MDGA2: variants seen among roughly 807,000 people sequenced by gnomAD.
MDGA2 encodes MAM domain-containing glycosylphosphatidylinositol anchor protein 2.
A neutral mutation model predicts 117.8 loss-of-function variants in MDGA2; 40 were observed. That is an observed-to-expected ratio of 0.34 (90% confidence interval 0.26 to 0.44). The LOEUF (loss-of-function observed/expected upper bound fraction) is 0.44, where lower values mean the gene tolerates loss of function less well. MDGA2 is among the 20% of genes least tolerant of loss of function. The pLI is 1.00. For synonymous variants in MDGA2, 452 were observed against 439.0 expected, an observed-to-expected ratio of 1.03 and a Z score of -0.37; for missense variants, 1,123 against 1,250.6, an observed-to-expected ratio of 0.90 and a Z score of 1.54.
At chr14:47,603,295 G>C (rs528561029) in intron 1 of MDGA2, among the ~76,000 whole-genome samples, 1 of 151,918 alleles carries the variant, frequency 6.6e-6, no homozygotes, top group Non-Finnish European at 1.5e-5. Context: ...TGAAACTATC[G>C]GATTTCATTT....
At chr14:46,867,117 C>T (rs752623798) in intron 14 of MDGA2, among the ~76,000 whole-genome samples, 1 of 152,170 alleles carries the variant, frequency 6.6e-6, no homozygotes, top group Non-Finnish European at 1.5e-5. Context: ...GCACTTTTCA[C>T]AACAGCAAAG....
chr14:47,195,239 C>T (rs554225016), intron 3 of MDGA2, among the ~76,000 whole-genome samples: 20 of 151,886 alleles, frequency 1.3e-4, no homozygotes, highest in Non-Finnish European at 2.4e-4. Context: ...TCAAGGTTAG[C>T]AATAGTTTTT....
intron 1 of MDGA2, among the ~76,000 whole-genome samples, chr14:47,354,795 T>C (rs1022969277): frequency 3.9e-5 from 6 of 152,162 alleles, no homozygotes; most frequent in South Asian, 2.1e-4. Context: ...ACATATCCCT[T>C]GTGGTCACTG....
chr14:47,449,017 G>T (rs1485488600), intron 1 of MDGA2, among the ~76,000 whole-genome samples: 1 of 152,096 alleles, frequency 6.6e-6, no homozygotes, highest in Non-Finnish European at 1.5e-5. Flanking sequence ...GATGATAATA[G>T]GTGAAAAGAA....
Position 46,882,238 on chromosome 14 carries a change from A to G in MDGA2, c.2239-17T>C, listed in dbSNP as rs1400633553. On this transcript the variant is annotated splice_polypyrimidine_tract_variant and intron_variant, in intron 10 of 16. Coordinates refer to ENST00000399232, the MANE Select transcript of MDGA2 (RefSeq NM_001113498.3). ...CTGTCCAGCCTGAAATCAAAACAAT[A>G]ATAGAATAATGTTCCCAGTATGTTC... is the stretch of plus-strand genomic sequence containing the variant. The G allele has an allele frequency of 3.1e-6, 5 of 1,599,748 alleles. No homozygotes were observed. The Admixed American group carries it at 8.6e-5, about 27-fold the overall frequency.
intron 1 of MDGA2, among the ~76,000 whole-genome samples, chr14:47,539,275 C>T (rs1257210415): frequency 6.6e-6 from 1 of 152,162 alleles, no homozygotes; most frequent in Non-Finnish European, 1.5e-5. Context: ...CCGGATGTTC[C>T]CATGCAGGCA....
At position 47,061,678 on chromosome 14, in the gene MDGA2, C is replaced by T. The variant is rs868325238; in HGVS notation, c.1196-100G>A. ...TCTCTGAGCTGAAATAAAGTAAAAC[C>T]AAATAAAGTGTACATATATTTCTTT... On this transcript the variant is annotated intron_variant, in intron 6 of 16. Transcript: ENST00000399232. 6.3e-5 allele frequency: 61 copies of T among 970,828 alleles called. 2 individuals are homozygous for T. The Middle Eastern group carries it at 1.2e-3, about 19-fold the overall frequency. The allele number at this position is 970,828 out of a possible 1,614,324, so 60.1% of individuals were successfully genotyped here. A position where few individuals can be genotyped will look rare whatever the true frequency, so the allele number is the denominator to read the frequency against.
chr14:46,845,988 T>C (rs1880823008), intron 15 of MDGA2, 117 bp from the exon 16 acceptor site: 3 of 706,904 alleles, frequency 4.2e-6, no homozygotes, highest in East Asian at 2.8e-5. Flanking sequence ...CTTTTATATT[T>C]GATGGCTTTC....
At chr14:47,134,777 C>CTATATATATATATATATATATATATA in intron 4 of MDGA2, among the ~76,000 whole-genome samples, 1 of 145,970 alleles carries the variant, frequency 6.9e-6, no homozygotes, top group East Asian at 2.0e-4. Flanking sequence ...CACACACACA[C>CTATATATATATATATATATATATATA]TATATATATA....
intron 8 of MDGA2, among the ~76,000 whole-genome samples, chr14:47,000,256 C>G (rs1333146112): frequency 1.4e-5 from 2 of 147,312 alleles, no homozygotes; most frequent in African/African-American, 5.0e-5. Flanking sequence ...AGCCTGACTT[C>G]AAAGCATGTA....
intron 8 of MDGA2, among the ~76,000 whole-genome samples, chr14:47,031,953 T>C (rs1888678938): frequency 6.6e-6 from 1 of 152,204 alleles, no homozygotes; most frequent in African/African-American, 2.4e-5. Context: ...ATTAAACTTC[T>C]TTTCTTTATA....
intron 2 of MDGA2, among the ~76,000 whole-genome samples, chr14:47,275,998 G>T (rs1237669390): frequency 6.6e-6 from 1 of 152,070 alleles, no homozygotes; most frequent in East Asian, 1.9e-4. Context: ...CTTTTCAACT[G>T]TGACTTTCCT....
At chr14:47,285,422 A>C (rs150328720) in intron 2 of MDGA2, among the ~76,000 whole-genome samples, 1 of 152,292 alleles carries the variant, frequency 6.6e-6, no homozygotes, top group African/African-American at 2.4e-5. Context: ...GTAAGCAATA[A>C]ATCATAAGCA....
intron 4 of MDGA2, 81 bp downstream of exon 4, chr14:47,143,997 A>T (rs905844950): frequency 5.7e-6 from 6 of 1,053,244 alleles, no homozygotes; most frequent in Non-Finnish European, 7.8e-6. Context: ...CTATCTTTTC[A>T]AATAGCTATG....
chr14:47,018,144 A>C (rs1888149662), intron 8 of MDGA2, among the ~76,000 whole-genome samples: 1 of 117,968 alleles, frequency 8.5e-6, no homozygotes, highest in African/African-American at 2.8e-5. Context: ...GGGGTAATTG[A>C]CTTTTTTTTT....
At chr14:46,997,411 G>A (rs778208538) in intron 8 of MDGA2, among the ~76,000 whole-genome samples, 13 of 152,090 alleles carry the variant, frequency 8.5e-5, no homozygotes, top group Admixed American at 2.6e-4. Context: ...AGAATTTCCC[G>A]AAGAAATTAC....
intron 6 of MDGA2, among the ~76,000 whole-genome samples, chr14:47,072,611 G>C (rs1388133488): frequency 6.6e-6 from 1 of 152,160 alleles, no homozygotes; most frequent in Non-Finnish European, 1.5e-5. Flanking sequence ...AGCATCACCT[G>C]AGAATTTGTT....
intron 8 of MDGA2, among the ~76,000 whole-genome samples, chr14:46,983,429 T>C (rs1886756097): frequency 2.6e-5 from 4 of 152,116 alleles, no homozygotes; most frequent in African/African-American, 7.2e-5. Flanking sequence ...ATTAACAGAA[T>C]CTTCAATTGG....
At chr14:47,519,805 G>A (rs1395664289) in intron 1 of MDGA2, among the ~76,000 whole-genome samples, 2 of 152,082 alleles carry the variant, frequency 1.3e-5, no homozygotes, top group African/African-American at 4.8e-5. Flanking sequence ...AAATGAGTAA[G>A]GACTATTTTC....
Sources: gnomAD v4.1 joint callset for allele counts (sites outside exome capture counted in the v4.1 genomes callset) on GRCh38, gnomAD v4.1.1 for gene constraint, MANE v1.5 for transcripts, NCBI Gene and HGNC (gene_info 2026-07-23, HGNC 2026-07-21) for gene names.